RASAL2: variants seen among roughly 807,000 people sequenced by gnomAD.
RASAL2 encodes the protein RAS protein activator like 2.
In RASAL2, 58 loss-of-function variants were observed where a neutral mutation model predicts 128.9. The observed-to-expected ratio is 0.45, with a 90% CI of 0.36 to 0.56. The LOEUF is 0.56. RASAL2 is among the 20% of genes least tolerant of loss of function. The pLI is 0.00. For synonymous variants in RASAL2, 561 were observed against 580.8 expected (o/e 0.97, Z 0.49); for missense variants, 1,360 against 1,601.6 (o/e 0.85, Z 2.57).
At chr1:178,207,423 A>C (rs756990285) in intron 1 of RASAL2, among the ~76,000 whole-genome samples, 1 of 152,202 alleles carries the variant, frequency 6.6e-6, no homozygotes, top group Non-Finnish European at 1.5e-5. Context: ...TGTAACATTT[A>C]TATTGTGTTA....
intron 3 of RASAL2, chr1:178,389,283 G>C: frequency 2.0e-6 from 2 of 982,614 alleles, no homozygotes; most frequent in Non-Finnish European, 1.2e-6. Context: ...AGTTGAAGTG[G>C]CGATGGGAAG....
chr1:178,170,679 C>G (rs1661676718), intron 1 of RASAL2, among the ~76,000 whole-genome samples: 1 of 151,300 alleles, frequency 6.6e-6, no homozygotes, highest in South Asian at 2.1e-4. Flanking sequence ...ATTTCATGGT[C>G]TTTTTATATA....
intron 1 of RASAL2, among the ~76,000 whole-genome samples, chr1:178,219,998 C>T (rs1174111788): frequency 6.6e-6 from 1 of 152,124 alleles, no homozygotes; most frequent in Non-Finnish European, 1.5e-5. Flanking sequence ...TCTGAGTTCA[C>T]ACGAGATATT....
chr1:178,239,876 T>A (rs969580136), intron 1 of RASAL2, among the ~76,000 whole-genome samples: 1 of 152,052 alleles, frequency 6.6e-6, no homozygotes, highest in Admixed American at 6.6e-5. Flanking sequence ...ATGGAGGTGT[T>A]CTGCCCCTGA....
intron 1 of RASAL2, among the ~76,000 whole-genome samples, chr1:178,199,973 A>T (rs907302768): frequency 6.6e-6 from 1 of 152,164 alleles, no homozygotes; most frequent in Non-Finnish European, 1.5e-5. Flanking sequence ...CCCATGCTGG[A>T]TGCTTCCTGC....
chr1:178,096,535 T>A (rs967695531), intron 1 of RASAL2, among the ~76,000 whole-genome samples: 2 of 151,920 alleles, frequency 1.3e-5, no homozygotes, highest in African/African-American at 4.8e-5. Context: ...TTTTTTTCTT[T>A]CGTCCTTCTG....
chr1:178,204,994 A>C (rs73051461), intron 1 of RASAL2, among the ~76,000 whole-genome samples: 2,049 of 152,298 alleles, frequency 0.013, 48 homozygotes, highest in African/African-American at 0.046. Context: ...TCTGGTGTCA[A>C]AGCATCTTTG....
In RASAL2 at chr1:178,466,667, TAAAC is replaced by T. The variant is rs369588100; in HGVS notation, c.3590+547_3590+550del. On this transcript the variant is annotated intron_variant, in intron 16 of 17. Coordinates refer to ENST00000367649, the MANE Select transcript of RASAL2 (RefSeq NM_170692.4). ...CGCATTATTATTCTCATTTTACAAA[TAAAC>T]AGGCAACAAATTCATTAAGTCACTT... 2.6e-4 allele frequency among the ~76,000 whole-genome samples: 39 copies of T among 152,348 alleles called. No individual in the cohort carries two copies. In the East Asian group the frequency reaches 6.4e-3, roughly 25 times the overall value.
chr1:178,220,536 G>A (rs952946528), intron 1 of RASAL2, among the ~76,000 whole-genome samples: 2 of 152,206 alleles, frequency 1.3e-5, no homozygotes, highest in South Asian at 4.1e-4. Flanking sequence ...GATACAAAGC[G>A]AGCACATGCT....
intron 1 of RASAL2, among the ~76,000 whole-genome samples, chr1:178,193,997 G>A (rs777927729): frequency 6.6e-6 from 1 of 152,132 alleles, no homozygotes; most frequent in Non-Finnish European, 1.5e-5. Flanking sequence ...AGGCCCAATC[G>A]TTAAACACTT....
chr1:178,130,436 C>T (rs893564420), intron 1 of RASAL2, among the ~76,000 whole-genome samples: 17 of 152,192 alleles, frequency 1.1e-4, no homozygotes, highest in Admixed American at 5.2e-4. Context: ...GTTTTTCCCC[C>T]GTAGAAAATC....
chr1:178,336,232 G>T (rs1669580168), intron 3 of RASAL2, among the ~76,000 whole-genome samples: 1 of 151,098 alleles, frequency 6.6e-6, no homozygotes, highest in Non-Finnish European at 1.5e-5. Context: ...AGTTCTACTG[G>T]ATTTTGGTGT....
chr1:178,215,512 C>T (rs1663395534), intron 1 of RASAL2, among the ~76,000 whole-genome samples: 1 of 152,194 alleles, frequency 6.6e-6, no homozygotes, highest in African/African-American at 2.4e-5. Flanking sequence ...TTTGCTAAGA[C>T]TTGAGTGTTC....
At chr1:178,386,447 A>C (rs1297264110) in intron 3 of RASAL2, among the ~76,000 whole-genome samples, 1 of 152,158 alleles carries the variant, frequency 6.6e-6, no homozygotes, top group Non-Finnish European at 1.5e-5. Context: ...GCTAAGAAAA[A>C]CATCCAGATG....
intron 17 of RASAL2, among the ~76,000 whole-genome samples, chr1:178,470,204 G>A (rs1250370167): frequency 6.6e-6 from 1 of 152,178 alleles, no homozygotes; most frequent in Non-Finnish European, 1.5e-5. Flanking sequence ...AGACGTGTTT[G>A]GGGTGAAAGC....
At chr1:178,471,504 C>T in intron 17 of RASAL2, among the ~76,000 whole-genome samples, 1 of 152,186 alleles carries the variant, frequency 6.6e-6, no homozygotes, top group East Asian at 1.9e-4. Context: ...ATACCAGATG[C>T]ATGGGTCATT....
At chr1:178,282,771 G>A (rs532577609) in intron 1 of RASAL2, among the ~76,000 whole-genome samples, 22 of 152,042 alleles carry the variant, frequency 1.4e-4, no homozygotes, top group African/African-American at 4.3e-4. Flanking sequence ...AATATATATC[G>A]AACTGTCATA....
intron 3 of RASAL2, among the ~76,000 whole-genome samples, chr1:178,351,067 A>G (rs1038125432): frequency 1.3e-5 from 2 of 152,086 alleles, no homozygotes; most frequent in African/African-American, 4.8e-5. Context: ...GATGCTACAC[A>G]CTTTTAAACA....
intron 8 of RASAL2, among the ~76,000 whole-genome samples, chr1:178,443,864 A>T (rs947815391): frequency 6.6e-6 from 1 of 152,162 alleles, no homozygotes; most frequent in Non-Finnish European, 1.5e-5. Context: ...CCTATGAAGG[A>T]TATTAACTAG....
Sources: allele counts gnomAD v4.1 joint callset (sites outside exome capture counted in the v4.1 genomes callset), GRCh38; gene constraint gnomAD v4.1.1; transcripts MANE v1.5; gene names NCBI Gene and HGNC (gene_info 2026-07-23, HGNC 2026-07-21).